The following SYNE3 variants were observed in gnomAD, a reference collection of about 807,000 sequenced individuals.
The protein encoded by SYNE3 is nesprin-3.
A neutral mutation model predicts 111.2 loss-of-function variants in SYNE3; 100 were observed. The ratio of observed to expected loss-of-function variants is 0.90; its 90% CI spans 0.77 to 1.06. The LOEUF is 1.06. Ranked by LOEUF, SYNE3 falls within the 50% of genes least tolerant of loss-of-function variation. SYNE3 has a pLI of 0.00. For synonymous variants in SYNE3, 547 were observed against 533.9 expected (o/e 1.02, Z -0.34); for missense variants, 1,160 against 1,240.3 (o/e 0.94, Z 0.97).
At chr14:95,437,157 G>A (rs1265656441) in intron 14 of SYNE3, among the ~76,000 whole-genome samples, 176 bp from the exon 15 acceptor site, 3 of 152,184 alleles carry the variant, frequency 2.0e-5, no homozygotes, top group Non-Finnish European at 2.9e-5. Context: ...ACATTTAAGG[G>A]CCAAGAACAT....
Position 95,485,504 on chromosome 14 carries a change from C to T in SYNE3, c.-14-9669G>A, listed in dbSNP as rs1391800683. Among the ~76,000 whole-genome samples, 13 of 152,268 alleles carry T rather than the reference C, an allele frequency of 8.5e-5. No homozygotes were observed. Among genetic ancestry groups the T allele is most frequent in the African/African-American group, 1.2e-4 (5 of 41,546 alleles). On this transcript the variant is annotated intron_variant, in intron 1 of 17. Transcript: ENST00000682763. The surrounding 1 kb of genome is among the most constrained non-coding windows in gnomAD (Gnocchi z 4.3). ...GGCTGCTCCCCGACCAAAGACAGGA[C>T]GCCCTAACCTACAGGTGCTAGGAGC...
intron 2 of SYNE3, among the ~76,000 whole-genome samples, chr14:95,472,193 A>T (rs1377325195): frequency 6.6e-6 from 1 of 152,224 alleles, no homozygotes; most frequent in Non-Finnish European, 1.5e-5. Flanking sequence ...AGTAAGATAT[A>T]TTGAAGGATG....
chr14:95,509,460 G>C (rs1198067655), intron 1 of SYNE3, among the ~76,000 whole-genome samples: 1 of 152,178 alleles, frequency 6.6e-6, no homozygotes, highest in African/African-American at 2.4e-5. Flanking sequence ...GAACTATAGT[G>C]GCCAGACCCA....
chr14:95,428,881 G>A (rs1885582020), intron 17 of SYNE3, among the ~76,000 whole-genome samples: 1 of 152,184 alleles, frequency 6.6e-6, no homozygotes, highest in African/African-American at 2.4e-5. Context: ...CTTGGAGCAT[G>A]GAGGGAGGAA....
intron 1 of SYNE3, among the ~76,000 whole-genome samples, chr14:95,493,157 C>T (rs574858736): frequency 1.6e-3 from 237 of 152,226 alleles, no homozygotes; most frequent in African/African-American, 5.5e-3. Flanking sequence ...AAACCTGTAC[C>T]TTATAAATGG....
intron 1 of SYNE3, among the ~76,000 whole-genome samples, chr14:95,479,278 G>C (rs1028462391): frequency 2.0e-5 from 3 of 148,812 alleles, no homozygotes; most frequent in African/African-American, 4.9e-5. Context: ...GATCACTTGA[G>C]TCCGGAAGGT....
In SYNE3 at chr14:95,417,493, A is replaced by T; in HGVS notation, c.*333T>A. The stretch of plus-strand genomic sequence containing the variant: ...CAGACCAAGTCAACAATACCACAAA[A>T]TCCCATTGGAGGGAGCCATTGCTAG... On this transcript the variant is annotated 3_prime_UTR_variant, in exon 18 of 18. Transcript: ENST00000682763. The T allele has an allele frequency of 2.9e-6, 1 of 346,612 alleles. No homozygotes were observed. The highest frequency in any genetic ancestry group is 5.5e-6 in the Non-Finnish European group (1 of 182,036). 21.5% of individuals were successfully genotyped at this position (346,612 alleles called of 1,614,324 possible). A position where few individuals can be genotyped will look rare whatever the true frequency, so the allele number is the denominator to read the frequency against.
At position 95,409,006 on chromosome 14, in the gene SYNE3, G is replaced by A. The variant is rs550974757; in HGVS notation, c.*8820C>T. On this transcript the variant is annotated 3_prime_UTR_variant, in exon 18 of 18. Coordinates refer to ENST00000682763, the MANE Select transcript of SYNE3 (RefSeq NM_152592.6). ...GCGGTGGGAGTCAACGGACTTCCCCGCAGGAGTGGGCACAGGAGGAAAGCA... is the reference window on the plus strand; with the variant it reads ...GCGGTGGGAGTCAACGGACTTCCCCACAGGAGTGGGCACAGGAGGAAAGCA... 2.4e-4 allele frequency: 91 copies of A among 382,570 alleles called. No individual in the cohort carries two copies. Among genetic ancestry groups the A allele is most frequent in the Non-Finnish European group, 4.2e-4 (79 of 190,022 alleles). The allele number at this position is 382,570 out of a possible 1,614,324, so 23.7% of individuals were successfully genotyped here.
chr14:95,435,861 T>G (rs1366739990), intron 15 of SYNE3, among the ~76,000 whole-genome samples: 3 of 152,206 alleles, frequency 2.0e-5, no homozygotes, highest in African/African-American at 7.2e-5. Flanking sequence ...ATATTTGTTA[T>G]TCTGGCTGCA....
Position 95,436,910 on chromosome 14 carries a change from C to A in SYNE3, c.2448G>T (p.Trp816Cys), listed in dbSNP as rs537347555. 6.6e-5 allele frequency: 107 copies of A among 1,614,184 alleles called. 1 individual carries two copies. The South Asian group carries it at 1.2e-3, about 18-fold the overall frequency. ...FSQLLRNFGQ[W>C]LQVENSKLVR... ...CCAGCTTGGAGTTTTCCACCTGCAA[C>A]CACTGCCCAAAGTTCCTCAGGAGCT... The change falls in exon 15 of 18, where the codon TGG becomes TGT. Residue 816 changes from tryptophan (W) to cysteine (C), a missense_variant. Transcript: ENST00000682763.
At position 95,417,986 on chromosome 14, in the gene SYNE3, G is replaced by A. The variant is rs12434757; in HGVS notation, c.2768C>T (p.Ala923Val). The A allele has an allele frequency of 0.66, 1,061,516 of 1,611,998 alleles. 353,379 individuals are homozygous for A. Among genetic ancestry groups the A allele is most frequent in the Non-Finnish European group, 0.69 (814,806 of 1,179,774 alleles). ...CTGCAGTGGGAGCGCCACACAGCAC[G>A]CCCTCCGGAAGAGGGAGCCCAGTCC... ...WRGLGSLFRR[A>V]CCVALPLQLL... Residue 923 changes from alanine to valine, a missense_variant, in exon 18 of 18, where the codon GCG becomes GTG. Ala to Val is a moderately conservative substitution (Grantham distance 64, BLOSUM62 0). Transcript: ENST00000682763.
At chr14:95,474,818 G>A (rs1376531240) in intron 2 of SYNE3, among the ~76,000 whole-genome samples, 1 of 152,236 alleles carries the variant, frequency 6.6e-6, no homozygotes, top group Admixed American at 6.5e-5. Context: ...TTCCAGCCTG[G>A]CTGGGTGACT....
rs770137327 is a variant in SYNE3, at chr14:95,452,326, G to T, written c.1195C>A (p.Leu399Met). Residue 399 changes from leucine to methionine, a missense_variant, in exon 7 of 18, where the codon CTG becomes ATG. Transcript: ENST00000682763. ...TGAGGGAAGACGATGAGCTCCTTCA[G>T]CTGGGCTTGCAGCCGGTCCACCCGG... ...EPRVDRLQAQ[L>M]KELIVFPHNL... The T allele has an allele frequency of 1.2e-6, 2 of 1,613,952 alleles. No individual in the cohort carries two copies. The highest frequency in any genetic ancestry group is 1.7e-6 in the Non-Finnish European group (2 of 1,179,972).
Position 95,417,857 on chromosome 14 carries a change from A to T in SYNE3, c.2897T>A (p.Met966Lys). ...GGGTGGTGGGCCATTGTAGCGCAGC[A>T]TGAGCGTGAAGGAGCGGGCGAAGTT... ...ANNFARSFTL[M>K]LRYNGPPPT Residue 966 changes from methionine to lysine, a missense_variant, in exon 18 of 18, where the codon ATG becomes AAG. Coordinates refer to ENST00000682763, the MANE Select transcript of SYNE3 (RefSeq NM_152592.6). The T allele has an allele frequency of 6.2e-7, 1 of 1,614,252 alleles. No homozygotes were observed. Among genetic ancestry groups the T allele is most frequent in the Non-Finnish European group, 8.5e-7 (1 of 1,180,050 alleles).
chr14:95,423,769 T>G (rs1254437771), intron 17 of SYNE3, among the ~76,000 whole-genome samples: 2 of 74,876 alleles, frequency 2.7e-5, no homozygotes, highest in Non-Finnish European at 5.3e-5. Context: ...GGGGTTTTGA[T>G]GGGGATGGGG....
chr14:95,424,243 C>A (rs970134753), intron 17 of SYNE3, among the ~76,000 whole-genome samples: 1 of 151,396 alleles, frequency 6.6e-6, no homozygotes, highest in African/African-American at 2.4e-5. Context: ...AGAAAATGAC[C>A]CAAGAGACAG....
intron 16 of SYNE3, among the ~76,000 whole-genome samples, chr14:95,432,639 TTA>T: frequency 1.5e-5 from 1 of 65,488 alleles, no homozygotes; most frequent in Middle Eastern, 0.012. Context: ...TTTGCTATTA[TTA>T]TTATTATTAT....
intron 1 of SYNE3, among the ~76,000 whole-genome samples, chr14:95,515,720 G>A (rs1890895387): frequency 6.6e-6 from 1 of 152,232 alleles, no homozygotes; most frequent in Non-Finnish European, 1.5e-5. Flanking sequence ...ACCCTTCAGA[G>A]TTGAAAGGGG....
At chr14:95,488,547 G>A (rs1181675125) in intron 1 of SYNE3, among the ~76,000 whole-genome samples, 1 of 152,018 alleles carries the variant, frequency 6.6e-6, no homozygotes, top group Non-Finnish European at 1.5e-5. Flanking sequence ...AACTGCCAAG[G>A]CCAGGCGTGG....
Sources: gnomAD v4.1 joint callset for allele counts (sites outside exome capture counted in the v4.1 genomes callset) on GRCh38, gnomAD v4.1.1 for gene constraint, Gnocchi (gnomAD v3.1) non-coding constraint, MANE v1.5 for transcripts, NCBI Gene and HGNC (gene_info 2026-07-23, HGNC 2026-07-21) for gene names.